MAP2K5: variants seen among roughly 807,000 people sequenced by gnomAD.
The protein encoded by MAP2K5 is mitogen-activated protein kinase kinase 5.
MAP2K5 carries 49 observed loss-of-function variants against 83.1 expected under a neutral mutation model. The observed-to-expected ratio is 0.59, with a 90% confidence interval of 0.47 to 0.75. The LOEUF (loss-of-function observed/expected upper bound fraction) is 0.75, where lower values mean the gene tolerates loss of function less well. Among genes scored for constraint, MAP2K5 ranks in the 30% least tolerant of loss-of-function variants. MAP2K5 has a pLI of 0.00. For synonymous variants in MAP2K5, 202 were observed against 191.8 expected (o/e 1.05, Z -0.44); for missense variants, 457 against 557.5 (o/e 0.82, Z 1.82).
At chr15:67,628,349 A>G (rs1404221757) in intron 8 of MAP2K5, 16 of 522,906 alleles carry the variant, frequency 3.1e-5, no homozygotes, top group Middle Eastern at 5.2e-4. Flanking sequence ...TCGTGGTGGC[A>G]GGCACCTGTA....
intron 2 of MAP2K5, among the ~76,000 whole-genome samples, chr15:67,550,845 C>T (rs1350753914): frequency 1.3e-5 from 2 of 151,186 alleles, no homozygotes; most frequent in Admixed American, 6.6e-5. Flanking sequence ...GATCTTAGCT[C>T]ACTGCAACCT....
chr15:67,569,883 G>C (rs1225396233), intron 3 of MAP2K5, among the ~76,000 whole-genome samples: 1 of 152,182 alleles, frequency 6.6e-6, no homozygotes. Flanking sequence ...TGTCTCATTT[G>C]GCTTGCTGTC....
intron 20 of MAP2K5, among the ~76,000 whole-genome samples, chr15:67,771,167 CATGTGTTTTACACATGGTAATGTG>C (rs2090134628): frequency 4.9e-4 from 2 of 4,044 alleles, no homozygotes; most frequent in Non-Finnish European, 1.2e-3. Context: ...TAATGTGTAC[CATGTGTTTTACACATGGTAATGTG>C]TACCATGTGT....
At chr15:67,739,182 AGGAG>A (rs1377464454) in intron 17 of MAP2K5, among the ~76,000 whole-genome samples, 1 of 150,036 alleles carries the variant, frequency 6.7e-6, no homozygotes, top group Non-Finnish European at 1.5e-5. Flanking sequence ...CAGGAGGCTG[AGGAG>A]GGAGGATCAC....
chr15:67,668,821 G>GA lies in MAP2K5; in HGVS notation c.847+4186dup, dbSNP rs150766327. Among the ~76,000 whole-genome samples, 15 of 148,128 alleles carry GA rather than the reference G, an allele frequency of 1.0e-4. No individual in the cohort carries two copies. Among genetic ancestry groups the GA allele is most frequent in the South Asian group, 6.4e-4 (3 of 4,690 alleles). Reference sequence around the variant, plus strand: ...TACACAGATGCAGAAGTTTATAGAAGAAAAAAAAAACCTATATAGTTGGTG... The same window carrying GA: ...TACACAGATGCAGAAGTTTATAGAAGAAAAAAAAAAACCTATATAGTTGGTG... On this transcript the variant is annotated intron_variant, in intron 13 of 21. Coordinates refer to ENST00000178640, the MANE Select transcript of MAP2K5 (RefSeq NM_145160.3). This position sits in a 1 kb window ranked among gnomAD's most constrained non-coding sequence, Gnocchi z 4.0.
intron 3 of MAP2K5, among the ~76,000 whole-genome samples, chr15:67,575,923 T>TCTC (rs1555527937): frequency 7.9e-6 from 1 of 126,768 alleles, no homozygotes; most frequent in African/African-American, 3.2e-5. Flanking sequence ...TTTCTTTTTT[T>TCTC]TTTTTTTTTT....
chr15:67,593,005 A>G (rs369579494), intron 7 of MAP2K5, 31 bp downstream of exon 7: 36 of 1,416,246 alleles, frequency 2.5e-5, no homozygotes, highest in Non-Finnish European at 2.9e-5. Flanking sequence ...AGATTTTCAC[A>G]TAATAATAAC....
chr15:67,562,751 T>C lies in MAP2K5; in HGVS notation c.185-532T>C, dbSNP rs186721607. Among the ~76,000 whole-genome samples, 167 of 152,306 alleles carry C rather than the reference T, an allele frequency of 1.1e-3. 1 individual carries two copies. Among genetic ancestry groups the C allele is most frequent in the Non-Finnish European group, 1.8e-3 (123 of 68,022 alleles). ...TGGAAAGAGAATAATAATAATGATG[T>C]TCATGTCGCAGGTTTGTTATGAGGT... On this transcript the variant is annotated intron_variant, in intron 2 of 21. Transcript: ENST00000178640. This position sits in a 1 kb window ranked among gnomAD's most constrained non-coding sequence, Gnocchi z 4.1.
rs2088095524 is a variant in MAP2K5, at chr15:67,690,932, T to C, written c.848-1547T>C. On this transcript the variant is annotated intron_variant, in intron 13 of 21. Transcript: ENST00000178640. This position sits in a 1 kb window ranked among gnomAD's most constrained non-coding sequence, Gnocchi z 4.3. ...ACATTTAAAGATGTTTTAAGTATGC[T>C]CCTACCCTGTGAACTTATTTATTTC... Among the ~76,000 whole-genome samples, 1 of 152,174 alleles carries C rather than the reference T, an allele frequency of 6.6e-6. No homozygotes were observed. Among genetic ancestry groups the C allele is most frequent in the African/African-American group, 2.4e-5 (1 of 41,432 alleles).
Position 67,785,650 on chromosome 15 carries a change from C to T in MAP2K5, c.1242+12898C>T, listed in dbSNP as rs2090403227. On this transcript the variant is annotated intron_variant, in intron 21 of 21. Coordinates refer to ENST00000178640, the MANE Select transcript of MAP2K5 (RefSeq NM_145160.3). The surrounding 1 kb of genome is among the most constrained non-coding windows in gnomAD (Gnocchi z 4.4). ...AACACAGGTGCTGGAGGTGTGGAGGCAGCAGGGGACCTGGCATGGAGCCAT... is the reference window on the plus strand; with the variant it reads ...AACACAGGTGCTGGAGGTGTGGAGGTAGCAGGGGACCTGGCATGGAGCCAT... 6.6e-6 allele frequency among the ~76,000 whole-genome samples: 1 copy of T among 152,134 alleles called. No homozygotes were observed. The highest frequency in any genetic ancestry group is 1.5e-5 in the Non-Finnish European group (1 of 68,028).
At position 67,636,767 on chromosome 15, in the gene MAP2K5, T is replaced by C. The variant is rs1596696275; in HGVS notation, c.585+5840T>C. Among the ~76,000 whole-genome samples the C allele has an allele frequency of 6.6e-6, 1 of 152,186 alleles. No homozygotes were observed. Among genetic ancestry groups the C allele is most frequent in the Non-Finnish European group, 1.5e-5 (1 of 68,026 alleles). ...AATATTGAGTGTTAACTCGATTGGG[T>C]TGAAGGATGCAAAGTATTGTTTCGG... On this transcript the variant is annotated intron_variant, in intron 9 of 21. Coordinates refer to ENST00000178640, the MANE Select transcript of MAP2K5 (RefSeq NM_145160.3). The surrounding 1 kb of genome is among the most constrained non-coding windows in gnomAD (Gnocchi z 4.7).
At position 67,722,351 on chromosome 15, in the gene MAP2K5, CTTTT is replaced by C. The variant is rs200075045; in HGVS notation, c.1045-5553_1045-5550del. ...CAGAAGATTAAATTAATTTGTAACTCTTTTTTTTTTTTTTTGGTCCTGCATTACT... is the reference window on the plus strand; with the variant it reads ...CAGAAGATTAAATTAATTTGTAACTCTTTTTTTTTTTGGTCCTGCATTACT... On this transcript the variant is annotated intron_variant, in intron 16 of 21. Transcript: ENST00000178640. This position sits in a 1 kb window ranked among gnomAD's most constrained non-coding sequence, Gnocchi z 4.2. 7.1e-6 allele frequency among the ~76,000 whole-genome samples: 1 copy of C among 141,488 alleles called. No homozygotes were observed. 92.8% of individuals were successfully genotyped at this position (141,488 alleles called of 152,430 possible). A position where few individuals can be genotyped will look rare whatever the true frequency, so the allele number is the denominator to read the frequency against.
rs1241435426 is a variant in MAP2K5 at position 67,572,744 on chromosome 15, G to A, written c.253-8010G>A. Among the ~76,000 whole-genome samples the A allele has an allele frequency of 1.3e-5, 2 of 151,662 alleles. No homozygotes were observed. Among genetic ancestry groups the A allele is most frequent in the Middle Eastern group, 3.2e-3 (1 of 316 alleles). ...AGATGGAGTCTTGCTCTGTTGCCCA[G>A]GCTGGAGTGCAGTGGTTCGATCTTG... On this transcript the variant is annotated intron_variant, in intron 3 of 21. Transcript: ENST00000178640. The surrounding 1 kb of genome is among the most constrained non-coding windows in gnomAD (Gnocchi z 4.2).
rs1319929084 is a variant in MAP2K5 at position 67,570,173 on chromosome 15, G to A, written c.252+6823G>A. On this transcript the variant is annotated intron_variant, in intron 3 of 21. Coordinates refer to ENST00000178640, the MANE Select transcript of MAP2K5 (RefSeq NM_145160.3). Reference sequence around the variant, plus strand: ...ATTTGAATTTCATCTGCTATTGGCTGCCCAAACTTCTATGAAGGCCATCTG... The same window carrying A: ...ATTTGAATTTCATCTGCTATTGGCTACCCAAACTTCTATGAAGGCCATCTG... 2.0e-5 allele frequency among the ~76,000 whole-genome samples: 3 copies of A among 152,236 alleles called. 1 individual carries two copies. The highest frequency in any genetic ancestry group is 2.0e-4 in the Admixed American group (3 of 15,292).
intron 12 of MAP2K5, among the ~76,000 whole-genome samples, chr15:67,661,303 A>G (rs888172597): frequency 6.6e-6 from 1 of 151,770 alleles, no homozygotes; most frequent in East Asian, 1.9e-4. Flanking sequence ...AACACATTCT[A>G]TTTTTCTTCT....
At chr15:67,628,260 TCA>T (rs748662021) in intron 8 of MAP2K5, 4 of 578,296 alleles carry the variant, frequency 6.9e-6, no homozygotes, top group South Asian at 5.4e-5. Context: ...GGTGGGCAGA[TCA>T]CGAGGTCAGG....
intron 13 of MAP2K5, among the ~76,000 whole-genome samples, chr15:67,666,580 C>T (rs562197076): frequency 1.3e-5 from 2 of 152,166 alleles, no homozygotes; most frequent in Non-Finnish European, 2.9e-5. Context: ...TCCTTCTTTT[C>T]ATCCCTGGTT....
rs376080002 is a variant in MAP2K5, at chr15:67,748,287, A to G, written c.1101+30A>G. 1.0e-4 allele frequency: 160 copies of G among 1,577,156 alleles called. No individual in the cohort carries two copies. The highest frequency in any genetic ancestry group is 1.3e-4 in the Non-Finnish European group (147 of 1,148,886). The stretch of plus-strand genomic sequence containing the variant: ...GCTTTATGAGTTCAGAAAAAAATTC[A>G]CTTTTCTTTTTCCTGATGGCTGCTT... On this transcript the variant is annotated intron_variant, in intron 18 of 21. Coordinates refer to ENST00000178640, the MANE Select transcript of MAP2K5 (RefSeq NM_145160.3). This position sits in a 1 kb window ranked among gnomAD's most constrained non-coding sequence, Gnocchi z 4.0.
chr15:67,775,944 G>A lies in MAP2K5; in HGVS notation c.1242+3192G>A, dbSNP rs78613703. ...CACCACCAGCTGGGCAATCTCTTAA[G>A]ACATTCCACTTCTATACAAGGAACC... On this transcript the variant is annotated intron_variant, in intron 21 of 21. Transcript: ENST00000178640. This position sits in a 1 kb window ranked among gnomAD's most constrained non-coding sequence, Gnocchi z 5.3. 1.4e-3 allele frequency among the ~76,000 whole-genome samples: 220 copies of A among 152,256 alleles called. No homozygotes were observed. Among genetic ancestry groups the A allele is most frequent in the African/African-American group, 4.9e-3 (205 of 41,560 alleles).
Sources: allele counts gnomAD v4.1 joint callset (sites outside exome capture counted in the v4.1 genomes callset), GRCh38; gene constraint gnomAD v4.1.1; non-coding constraint Gnocchi (gnomAD v3.1); transcripts MANE v1.5; gene names NCBI Gene and HGNC (gene_info 2026-07-23, HGNC 2026-07-21).